LPP: variants seen among roughly 807,000 people sequenced by gnomAD.
LPP encodes lipoma-preferred partner.
LPP carries 38 observed loss-of-function variants against 60.4 expected under a neutral mutation model. That is an observed-to-expected ratio of 0.63 (90% CI 0.49 to 0.83). The LOEUF (loss-of-function observed/expected upper bound fraction) is 0.83, where lower values mean the gene tolerates loss of function less well. Ranked by LOEUF, LPP falls within the 40% of genes least tolerant of loss-of-function variation. The pLI is 0.00. For missense variants in LPP, 902 were observed against 783.6 expected, an observed-to-expected ratio of 1.15 and a Z score of -1.80; for synonymous variants, 328 against 290.8, an observed-to-expected ratio of 1.13 and a Z score of -1.30.
intron 1 of LPP, among the ~76,000 whole-genome samples, chr3:188,181,083 G>A (rs1386148098): frequency 2.0e-5 from 3 of 152,078 alleles, no homozygotes; most frequent in East Asian, 3.9e-4. Flanking sequence ...GGCCTGGCAC[G>A]GTGGCTCATG....
At chr3:188,461,235 G>A (rs535844037) in intron 4 of LPP, among the ~76,000 whole-genome samples, 3 of 152,114 alleles carry the variant, frequency 2.0e-5, no homozygotes, top group African/African-American at 4.8e-5. Context: ...AGATGTACAA[G>A]GGTCAGTTTG....
intron 3 of LPP, among the ~76,000 whole-genome samples, chr3:188,371,839 G>A (rs1773347020): frequency 1.3e-5 from 2 of 150,424 alleles, no homozygotes; most frequent in Admixed American, 1.3e-4. Flanking sequence ...TGTATATTTA[G>A]TAGAGACGGG....
intron 5 of LPP, among the ~76,000 whole-genome samples, chr3:188,490,428 G>A (rs1225772161): frequency 6.6e-6 from 1 of 151,564 alleles, no homozygotes; most frequent in Non-Finnish European, 1.5e-5. Context: ...ACAGAGTCTT[G>A]CTCTGTTGAC....
At chr3:188,841,105 T>G in intron 9 of LPP, among the ~76,000 whole-genome samples, 1 of 152,176 alleles carries the variant, frequency 6.6e-6, no homozygotes, top group East Asian at 1.9e-4. Flanking sequence ...TGTAGGTCCT[T>G]CATTAAGACC....
At chr3:188,860,641 G>GAAA (rs113944782) in intron 9 of LPP, among the ~76,000 whole-genome samples, 1,945 of 150,478 alleles carry the variant, frequency 0.013, 32 homozygotes, top group East Asian at 0.043. Flanking sequence ...TGGTTAAATA[G>GAAA]AAAAAAAAAA....
intron 3 of LPP, among the ~76,000 whole-genome samples, chr3:188,390,648 T>C (rs1779478891): frequency 6.6e-6 from 1 of 151,554 alleles, no homozygotes; most frequent in Non-Finnish European, 1.5e-5. Context: ...CTACAAAAAC[T>C]CCTTCTCATT....
intron 5 of LPP, among the ~76,000 whole-genome samples, chr3:188,520,951 A>C (rs1283067093): frequency 6.6e-6 from 1 of 152,144 alleles, no homozygotes; most frequent in Non-Finnish European, 1.5e-5. Context: ...TTGCTTGGTT[A>C]TAGGACTTTG....
At chr3:188,659,707 T>C (rs902840373) in intron 7 of LPP, among the ~76,000 whole-genome samples, 1 of 152,114 alleles carries the variant, frequency 6.6e-6, no homozygotes, top group Non-Finnish European at 1.5e-5. Flanking sequence ...GGGATCTTGC[T>C]ATCAGCCTTC....
intron 4 of LPP, among the ~76,000 whole-genome samples, chr3:188,419,878 C>T (rs1405090006): frequency 6.6e-6 from 1 of 151,966 alleles, no homozygotes; most frequent in Non-Finnish European, 1.5e-5. Context: ...AGTAAGACTC[C>T]ATCTCAAATA....
At chr3:188,342,252 A>G (rs748527746) in intron 3 of LPP, among the ~76,000 whole-genome samples, 7 of 152,190 alleles carry the variant, frequency 4.6e-5, no homozygotes, top group Non-Finnish European at 8.8e-5. Flanking sequence ...AAATCCTAAG[A>G]ACACAGAAAA....
chr3:188,421,345 T>C (rs917235520), intron 4 of LPP, among the ~76,000 whole-genome samples: 7 of 152,124 alleles, frequency 4.6e-5, no homozygotes, highest in African/African-American at 1.7e-4. Context: ...AGATCCAACA[T>C]ACACAGGAAT....
intron 6 of LPP, among the ~76,000 whole-genome samples, chr3:188,607,418 A>ATATAAT (rs1842732460): frequency 4.4e-4 from 17 of 38,452 alleles, no homozygotes; most frequent in Non-Finnish European, 6.4e-4. Context: ...TATATATATA[A>ATATAAT]TTTTTTTTTC....
rs1028585304 is a variant in LPP at position 188,550,212 on chromosome 3, C to T, written c.429+25425C>T. On this transcript the variant is annotated intron_variant, in intron 6 of 11. Coordinates refer to ENST00000617246, the MANE Select transcript of LPP (RefSeq NM_001375462.1). Reference sequence around the variant, plus strand: ...TCTGTGAGAAATAACAATTTGTATACGATTTCAAAGGCATAATTCAAACTA... The same window carrying T: ...TCTGTGAGAAATAACAATTTGTATATGATTTCAAAGGCATAATTCAAACTA... Among the ~76,000 whole-genome samples the T allele has an allele frequency of 4.6e-5, 7 of 152,142 alleles. No individual in the cohort carries two copies. The South Asian group carries it at 6.2e-4, about 14-fold the overall frequency.
chr3:188,588,549 T>C lies in LPP; in HGVS notation c.430-20612T>C, dbSNP rs372076223. 1.1e-4 allele frequency among the ~76,000 whole-genome samples: 16 copies of C among 152,306 alleles called. No individual in the cohort carries two copies. The East Asian group carries it at 2.3e-3, about 22-fold the overall frequency. On this transcript the variant is annotated intron_variant, in intron 6 of 11. Coordinates refer to ENST00000617246, the MANE Select transcript of LPP (RefSeq NM_001375462.1). ...AATGTGTAGATTCAGATACCAACAG[T>C]AGCTTATGCTGAAACCTGGGTCAAA...
chr3:188,261,604 A>G (rs1300699827), intron 2 of LPP, among the ~76,000 whole-genome samples: 1 of 152,188 alleles, frequency 6.6e-6, no homozygotes, highest in East Asian at 1.9e-4. Flanking sequence ...TTCATGATGA[A>G]AAAAGGAAAA....
chr3:188,356,427 G>A (rs1368031921), intron 3 of LPP, among the ~76,000 whole-genome samples: 2 of 152,152 alleles, frequency 1.3e-5, no homozygotes, highest in Non-Finnish European at 2.9e-5. Flanking sequence ...CTAGGATTCT[G>A]GGTAGAAATG....
intron 4 of LPP, among the ~76,000 whole-genome samples, chr3:188,466,323 G>A (rs1357009910): frequency 2.0e-5 from 3 of 152,072 alleles, no homozygotes; most frequent in African/African-American, 4.8e-5. Context: ...TAGGTTAACG[G>A]CCATCTTATG....
Position 188,830,968 on chromosome 3 carries a change from G to A in LPP, c.1411-35232G>A, listed in dbSNP as rs571878636. 3.5e-4 allele frequency among the ~76,000 whole-genome samples: 54 copies of A among 152,288 alleles called. 1 individual carries two copies. Among genetic ancestry groups the A allele is most frequent in the African/African-American group, 1.3e-3 (53 of 41,560 alleles). On this transcript the variant is annotated intron_variant, in intron 9 of 11. Coordinates refer to ENST00000617246, the MANE Select transcript of LPP (RefSeq NM_001375462.1). ...AGAGTTTTTGTGAAATCTCAATCCTGTAGTATTGTGTATATTACAACAGGT... is the reference window on the plus strand; with the variant it reads ...AGAGTTTTTGTGAAATCTCAATCCTATAGTATTGTGTATATTACAACAGGT...
At chr3:188,554,537 T>A (rs1829004875) in intron 6 of LPP, among the ~76,000 whole-genome samples, 1 of 152,162 alleles carries the variant, frequency 6.6e-6, no homozygotes, top group Admixed American at 6.6e-5. Flanking sequence ...TTGCAGCAGA[T>A]CAGTGGCTCT....
Sources: allele counts gnomAD v4.1 joint callset (sites outside exome capture counted in the v4.1 genomes callset), GRCh38; gene constraint gnomAD v4.1.1; transcripts MANE v1.5; gene names NCBI Gene and HGNC (gene_info 2026-07-23, HGNC 2026-07-21).